The following HEATR5B variants were observed in gnomAD, a reference collection of about 807,000 sequenced individuals.
The protein encoded by HEATR5B is HEAT repeat-containing protein 5B.
HEATR5B carries 156 observed loss-of-function variants against 224.1 expected under a neutral mutation model. The observed-to-expected ratio is 0.70, with a 90% confidence interval of 0.61 to 0.80. The LOEUF (loss-of-function observed/expected upper bound fraction) is 0.80. Ranked by LOEUF, HEATR5B falls within the 30% of genes least tolerant of loss-of-function variation. The pLI, the probability that HEATR5B is intolerant of heterozygous loss-of-function variation, is 0.00. For synonymous variants in HEATR5B, 1,027 were observed against 893.0 expected, an observed-to-expected ratio of 1.15 and a Z score of -2.68; for missense variants, 2,323 against 2,535.5, an observed-to-expected ratio of 0.92 and a Z score of 1.80.
intron 9 of HEATR5B, among the ~76,000 whole-genome samples, 183 bp downstream of exon 9, chr2:37,065,572 G>C (rs1671539231): frequency 6.6e-6 from 1 of 152,086 alleles, no homozygotes; most frequent in South Asian, 2.1e-4. Flanking sequence ...GCCTCCCAAA[G>C]TGCTAGGATT....
chr2:37,065,898 T>C lies in HEATR5B; in HGVS notation c.1190A>G (p.Asn397Ser). The C allele has an allele frequency of 6.2e-7, 1 of 1,608,576 alleles. No homozygotes were observed. The highest frequency in any genetic ancestry group is 2.2e-5 in the East Asian group (1 of 44,684). Reference protein sequence around the residue: ...KQMKAVEAVVNDTSGENKSGA... With the variant: ...KQMKAVEAVVSDTSGENKSGA... ...AGATTTGTTTTCTCCACTTGTGTCA[T>C]TCACTACTGCTTCTGGAAACACAAA... Residue 397 changes from asparagine (N) to serine (S), a missense_variant, in exon 9 of 36, where the codon AAT becomes AGT. Transcript: ENST00000233099.
At chr2:37,038,810 G>T (rs1216234604) in intron 20 of HEATR5B, among the ~76,000 whole-genome samples, 1 of 147,272 alleles carries the variant, frequency 6.8e-6, no homozygotes, top group East Asian at 2.1e-4. Context: ...TGAGGCAGGA[G>T]AATTGCTTGA....
intron 32 of HEATR5B, 149 bp from the exon 33 acceptor site, chr2:37,000,962 T>C: frequency 5.1e-6 from 3 of 585,904 alleles, no homozygotes; most frequent in Non-Finnish European, 6.0e-6. Flanking sequence ...ACTACTACTA[T>C]AATTCAATGT....
rs768716773 is a variant in HEATR5B at position 37,056,614 on chromosome 2, A to T, written c.2225T>A (p.Leu742His). The change falls in exon 16 of 36, where the codon CTC becomes CAC. Residue 742 changes from leucine to histidine, a missense_variant and splice_region_variant. Leu to His is a moderately conservative substitution (Grantham distance 99). Around this residue, in one of 12 missense-constraint regions of HEATR5B, gnomAD observed 170 missense variants for 216.7 expected, o/e 0.78. Transcript: ENST00000233099. ...ETDHKSIEDQLQPNSASGSGA... is the reference protein window; with the variant it reads ...ETDHKSIEDQHQPNSASGSGA... The stretch of plus-strand genomic sequence containing the variant: ...ACTTCCAGAGGCACTGTTTGGCTGG[A>T]GCTGCAAAAGAGTGAAATAAAAATT... 6.3e-7 allele frequency: 1 copy of T among 1,583,768 alleles called. No homozygotes were observed. The highest frequency in any genetic ancestry group is 1.2e-5 in the South Asian group (1 of 86,216).
At chr2:37,023,752 G>T (rs1270194655) in intron 24 of HEATR5B, among the ~76,000 whole-genome samples, 1 of 152,010 alleles carries the variant, frequency 6.6e-6, no homozygotes, top group Non-Finnish European at 1.5e-5. Context: ...CACTTACCTT[G>T]GGTGACAGAG....
chr2:37,038,250 C>T (rs1669636559), intron 20 of HEATR5B, among the ~76,000 whole-genome samples: 1 of 152,108 alleles, frequency 6.6e-6, no homozygotes, highest in Non-Finnish European at 1.5e-5. Context: ...AGCAATTCTC[C>T]TGCCTCAGCC....
Position 37,041,195 on chromosome 2 carries a change from G to C in HEATR5B, c.2794C>G (p.Leu932Val). Reference protein sequence around the residue: ...YVGGIGSGQHLKTSVSILLAL... With the variant: ...YVGGIGSGQHVKTSVSILLAL... ...AATAAAATGCTGACACTGGTCTTCAGATGTTGTCCTGAGCCTATTCCACCA... is the reference window on the plus strand; with the variant it reads ...AATAAAATGCTGACACTGGTCTTCACATGTTGTCCTGAGCCTATTCCACCA... The change falls in exon 19 of 36, where the codon CTG becomes GTG. Residue 932 changes from leucine (L) to valine (V), a missense_variant. Leu to Val is a conservative substitution (Grantham distance 32, BLOSUM62 1). Coordinates refer to ENST00000233099, the MANE Select transcript of HEATR5B (RefSeq NM_019024.3). 4 of 1,614,016 alleles carry C rather than the reference G, an allele frequency of 2.5e-6. No homozygotes were observed. The highest frequency in any genetic ancestry group is 2.5e-6 in the Non-Finnish European group (3 of 1,179,920).
At position 37,068,798 on chromosome 2, in the gene HEATR5B, T is replaced by C. The variant is rs1280830226; in HGVS notation, c.1060A>G (p.Arg354Gly). The change falls in exon 8 of 36, where the codon AGA becomes GGA. Residue 354 changes from arginine (R) to glycine (G), a missense_variant. By Grantham distance (125) the Arg-to-Gly change is moderately radical. Transcript: ENST00000233099. ...TQTHVEAVYSRRCVSFILRAT... is the reference protein window; with the variant it reads ...TQTHVEAVYSGRCVSFILRAT... ...CTTAGGATAAAGGAAACACATCGTC[T>C]GGAGTACACAGCCTCCACATGTGTT... 6.2e-7 allele frequency: 1 copy of C among 1,614,136 alleles called. No homozygotes were observed. The highest frequency in any genetic ancestry group is 8.5e-7 in the Non-Finnish European group (1 of 1,180,022).
chr2:37,058,102 T>A (rs1319797003), intron 14 of HEATR5B, among the ~76,000 whole-genome samples: 1 of 152,200 alleles, frequency 6.6e-6, no homozygotes, highest in Non-Finnish European at 1.5e-5. Context: ...GTGCACACTT[T>A]GAAGATAAAC....
At chr2:36,992,538 G>A (rs1229379768) in intron 33 of HEATR5B, among the ~76,000 whole-genome samples, 1 of 151,834 alleles carries the variant, frequency 6.6e-6, no homozygotes, top group East Asian at 1.9e-4. Flanking sequence ...CTGCGTTCAT[G>A]CCACCACACT....
intron 22 of HEATR5B, 34 bp from the exon 23 acceptor site, chr2:37,028,954 G>GT: frequency 6.2e-7 from 1 of 1,606,068 alleles, no homozygotes; most frequent in Non-Finnish European, 8.5e-7. Context: ...AATTTGTATG[G>GT]TATTTTGGTG....
Position 37,028,071 on chromosome 2 carries a change from A to G in HEATR5B, c.3705T>C (p.Asp1235=). 1 of 1,614,114 alleles carries G rather than the reference A, an allele frequency of 6.2e-7. No homozygotes were observed. Among genetic ancestry groups the G allele is most frequent in the Non-Finnish European group, 8.5e-7 (1 of 1,179,946 alleles). ...DTMFTTLGEE[D]KSKPFVAPRW... ...GAGGGGCCACAAAGGGCTTTGATTTATCTTCTTCACCTAACGTGGTAAACA... is the reference window on the plus strand; with the variant it reads ...GAGGGGCCACAAAGGGCTTTGATTTGTCTTCTTCACCTAACGTGGTAAACA... Residue 1235 remains aspartate (D), a synonymous_variant, in exon 24 of 36, where the codon GAT becomes GAC. Coordinates refer to ENST00000233099, the MANE Select transcript of HEATR5B (RefSeq NM_019024.3).
At chr2:37,020,886 G>A in intron 24 of HEATR5B, 50 bp from the exon 25 acceptor site, 5 of 1,005,360 alleles carry the variant, frequency 5.0e-6, no homozygotes, top group South Asian at 2.1e-5. Flanking sequence ...AAAAATAAGT[G>A]TAATAACATA....
intron 18 of HEATR5B, among the ~76,000 whole-genome samples, chr2:37,045,591 G>T (rs962517074): frequency 1.3e-5 from 2 of 152,160 alleles, no homozygotes; most frequent in African/African-American, 4.8e-5. Flanking sequence ...TCCTTCCCCA[G>T]TCTTGGGTAG....
intron 21 of HEATR5B, among the ~76,000 whole-genome samples, chr2:37,034,236 G>A (rs1448017080): frequency 6.6e-6 from 1 of 150,742 alleles, no homozygotes; most frequent in Admixed American, 6.6e-5. Flanking sequence ...TCCATCTCCT[G>A]ACCTTCTGAT....
At chr2:37,078,216 G>A (rs1433806952) in intron 3 of HEATR5B, among the ~76,000 whole-genome samples, 1 of 152,210 alleles carries the variant, frequency 6.6e-6, no homozygotes, top group Admixed American at 6.5e-5. Context: ...TTACAGATAA[G>A]AGAGGTTAAC....
rs543629298 is a variant in HEATR5B at position 36,981,868 on chromosome 2, C to T, written c.5912-74G>A. The T allele has an allele frequency of 3.0e-4, 324 of 1,089,478 alleles. 1 individual carries two copies. The South Asian group carries it at 4.5e-3, about 15-fold the overall frequency. The allele number at this position is 1,089,478 out of a possible 1,614,324, so 67.5% of individuals were successfully genotyped here. ...TAAACTTTAAAAACTAGGCAATTGCCATGGAAGACTGAACATAATAAAATA... is the reference window on the plus strand; with the variant it reads ...TAAACTTTAAAAACTAGGCAATTGCTATGGAAGACTGAACATAATAAAATA... On this transcript the variant is annotated intron_variant, in intron 35 of 35. Coordinates refer to ENST00000233099, the MANE Select transcript of HEATR5B (RefSeq NM_019024.3).
chr2:37,022,644 G>C (rs1668536027), intron 24 of HEATR5B, among the ~76,000 whole-genome samples: 2 of 152,162 alleles, frequency 1.3e-5, no homozygotes, highest in Admixed American at 6.5e-5. Context: ...CCAATCTCTA[G>C]AAAAACTCTT....
At chr2:37,066,683 A>G (rs1030262926) in intron 8 of HEATR5B, among the ~76,000 whole-genome samples, 1 of 152,118 alleles carries the variant, frequency 6.6e-6, no homozygotes, top group African/African-American at 2.4e-5. Flanking sequence ...CAAATCCCCA[A>G]TACGTATCAT....
Sources: allele counts gnomAD v4.1 joint callset (sites outside exome capture counted in the v4.1 genomes callset), GRCh38; gene constraint gnomAD v4.1.1; regional missense constraint gnomAD v4.1.1; transcripts MANE v1.5; gene names NCBI Gene and HGNC (gene_info 2026-07-23, HGNC 2026-07-21).